DDOST: variants seen among roughly 807,000 people sequenced by gnomAD.
The protein encoded by DDOST is dolichyl-diphosphooligosaccharide--protein glycosyltransferase 48 kDa subunit.
In DDOST, 25 loss-of-function variants were observed where a neutral mutation model predicts 47.6. The observed-to-expected ratio is 0.53, with a 90% CI of 0.38 to 0.73. The LOEUF (loss-of-function observed/expected upper bound fraction) is 0.73. Ranked by LOEUF, DDOST falls within the 30% of genes least tolerant of loss-of-function variation. DDOST has a pLI of 0.00. For missense variants in DDOST, 526 were observed against 573.9 expected (o/e 0.92, Z 0.85); for synonymous variants, 275 against 236.0 (o/e 1.17, Z -1.51).
In DDOST at chr1:20,654,351, C is replaced by A. The variant is rs867590371; in HGVS notation, c.666G>T (p.Lys222Asn). The change falls in exon 7 of 11, where the codon AAG becomes AAT. Residue 222 changes from lysine to asparagine, a missense_variant. Physicochemically the swap from Lys to Asn is moderately conservative, Grantham distance 94. Transcript: ENST00000602624. ...PITQYPHAVG[K>N]NTLLIAGLQA... is the part of the protein sequence containing the mutation. ...GGAGCCCAGCAATGAGGAGGGTGTTCTTCCCCACCGCATGTGGATACTGGG... is the reference window on the plus strand; with the variant it reads ...GGAGCCCAGCAATGAGGAGGGTGTTATTCCCCACCGCATGTGGATACTGGG... 6.4e-7 allele frequency: 1 copy of A among 1,559,750 alleles called. No individual in the cohort carries two copies. The highest frequency in any genetic ancestry group is 8.7e-7 in the Non-Finnish European group (1 of 1,150,782).
chr1:20,652,223 C>A lies in DDOST; in HGVS notation c.*156G>T. ...AAACTTCTTTTATATAAAAATTATC[C>A]CAACTCCCACCCCTTGGCTCTCAGT... On this transcript the variant is annotated 3_prime_UTR_variant, in exon 11 of 11. Transcript: ENST00000602624. 3.0e-6 allele frequency: 2 copies of A among 677,830 alleles called. No individual in the cohort carries two copies. The allele number at this position is 677,830 out of a possible 1,614,324, so 42.0% of individuals were successfully genotyped here. A position where few individuals can be genotyped will look rare whatever the true frequency, so the allele number is the denominator to read the frequency against.
At chr1:20,653,115 C>T (rs977091840) in intron 8 of DDOST, 144 bp from the exon 9 acceptor site, 16 of 928,092 alleles carry the variant, frequency 1.7e-5, no homozygotes, top group Non-Finnish European at 2.6e-5. Flanking sequence ...CCCCTGCCAC[C>T]CGGCCCTGAT....
At chr1:20,655,411 T>C in intron 5 of DDOST, 29 bp downstream of exon 5, 3 of 1,554,676 alleles carry the variant, frequency 1.9e-6, no homozygotes, top group Non-Finnish European at 2.6e-6. Context: ...CCCAGGTTTC[T>C]GCTGTCCTCT....
chr1:20,654,538 C>A, intron 6 of DDOST, 76 bp downstream of exon 6: 1 of 1,426,482 alleles, frequency 7.0e-7, no homozygotes, highest in South Asian at 1.2e-5. Flanking sequence ...ACCAACTAGT[C>A]ATTTCCTTCG....
chr1:20,652,160 C>T lies in DDOST; in HGVS notation c.*219G>A, dbSNP rs1040295811. 35 of 471,964 alleles carry T rather than the reference C, an allele frequency of 7.4e-5. No individual in the cohort carries two copies. The highest frequency in any genetic ancestry group is 3.9e-4 in the Admixed American group (10 of 25,694). 29.2% of individuals were successfully genotyped at this position (471,964 alleles called of 1,614,324 possible). ...TTTAGAAATGAGAGGAGTGACTGCA[C>T]ATAGGAAAAATGCCACTTTTAGCAA... is the stretch of plus-strand genomic sequence containing the variant. On this transcript the variant is annotated 3_prime_UTR_variant, in exon 11 of 11. Coordinates refer to ENST00000602624, the MANE Select transcript of DDOST (RefSeq NM_005216.5).
intron 2 of DDOST, among the ~76,000 whole-genome samples, chr1:20,659,986 G>C (rs1197567018): frequency 2.0e-5 from 3 of 152,194 alleles, no homozygotes; most frequent in Admixed American, 2.0e-4. Flanking sequence ...AGGCAGTCCT[G>C]TCTTACCCAG....
rs2053420663 is a variant in DDOST, at chr1:20,660,252, AT to A, written c.265+628del. ...ATAAAGCAGGAGACAATATTTCTTA[AT>A]ATAAGAACTTCTTAACAGAATTGTT... On this transcript the variant is annotated intron_variant, in intron 2 of 10. Transcript: ENST00000602624. The A allele has an allele frequency of 1.3e-5, 2 of 152,288 alleles. 1 individual carries two copies. Among genetic ancestry groups the A allele is most frequent in the Non-Finnish European group, 2.9e-5 (2 of 68,096 alleles). 9.4% of individuals were successfully genotyped at this position (152,288 alleles called of 1,614,324 possible).
rs1222542545 is a variant in DDOST, at chr1:20,654,246, C to G, written c.771G>C (p.Gln257His). 6.4e-7 allele frequency: 1 copy of G among 1,551,274 alleles called. No individual in the cohort carries two copies. Among genetic ancestry groups the G allele is most frequent in the South Asian group, 1.2e-5 (1 of 84,050 alleles). The change falls in exon 7 of 11, where the codon CAG becomes CAC. Residue 257 changes from glutamine to histidine, a missense_variant. Gln to His is a conservative substitution (Grantham distance 24). Coordinates refer to ENST00000602624, the MANE Select transcript of DDOST (RefSeq NM_005216.5). ...FSDSFFNSAV[Q>H]KAAPGSQRYS... The stretch of plus-strand genomic sequence containing the variant: ...ACCTCTGGGAGCCGGGCGCCGCCTT[C>G]TGCACTGCTGAGTTGAAGAAGGAGT...
chr1:20,654,416 G>A, intron 6 of DDOST, 45 bp from the exon 7 acceptor site: 5 of 1,531,182 alleles, frequency 3.3e-6, no homozygotes, highest in Non-Finnish European at 4.4e-6. Context: ...CCAAGTAAGG[G>A]AAAAGCTGCC....
In DDOST at chr1:20,652,385, G is replaced by A. The variant is rs764406890; in HGVS notation, c.1314C>T (p.Ser438=). 25 of 1,611,140 alleles carry A rather than the reference G, an allele frequency of 1.6e-5. No individual in the cohort carries two copies. The East Asian group carries it at 2.2e-4, about 14-fold the overall frequency. Residue 438 remains serine, a synonymous_variant, in exon 11 of 11, where the codon TCC becomes TCT. Coordinates refer to ENST00000602624, the MANE Select transcript of DDOST (RefSeq NM_005216.5). ...VFLHMKEKEK[S]D is the part of the protein sequence containing the mutation. ...CGGAGAGGGCTCTAGCCCCTCAGTC[G>A]GACTTCTCCTTCTCCTTCATGTGCA...
At chr1:20,657,324 A>C in intron 2 of DDOST, among the ~76,000 whole-genome samples, 1 of 152,220 alleles carries the variant, frequency 6.6e-6, no homozygotes. Flanking sequence ...GATTCTGAGC[A>C]GGGGCCTGGC....
In DDOST at chr1:20,652,979, A is replaced by G. The variant is rs778674191; in HGVS notation, c.943-8T>C. The G allele has an allele frequency of 3.1e-6, 5 of 1,614,136 alleles. No homozygotes were observed. Among genetic ancestry groups the G allele is most frequent in the South Asian group, 1.1e-5 (1 of 91,084 alleles). ...GATCACGATGCTATACTCCTGAGAT[A>G]AAAGGCCAGGTTAGCCAGGGCTGGC... On this transcript the variant is annotated splice_region_variant and splice_polypyrimidine_tract_variant and intron_variant, in intron 8 of 10. Coordinates refer to ENST00000602624, the MANE Select transcript of DDOST (RefSeq NM_005216.5).
chr1:20,657,915 C>CT (rs2053392853), intron 2 of DDOST, among the ~76,000 whole-genome samples: 1 of 152,208 alleles, frequency 6.6e-6, no homozygotes, highest in Admixed American at 6.5e-5. Flanking sequence ...GATTTTGCCC[C>CT]TCAGAGCAAT....
chr1:20,654,147 T>C (rs1158698691), intron 7 of DDOST, 76 bp downstream of exon 7: 2 of 1,494,906 alleles, frequency 1.3e-6, no homozygotes, highest in African/African-American at 1.4e-5. Context: ...AGCCTCCTTC[T>C]TCCCCTTCTG....
In DDOST at chr1:20,655,485, A is replaced by G; in HGVS notation, c.506T>C (p.Ile169Thr). The change falls in exon 5 of 11, where the codon ATC becomes ACC. Residue 169 changes from isoleucine (I) to threonine (T), a missense_variant. Coordinates refer to ENST00000602624, the MANE Select transcript of DDOST (RefSeq NM_005216.5). ...GGGATTTAGAGATGATTTCCCAACG[A>G]TGGTTGGGGCCTTCAGCAGGTTCTC... Reference protein sequence around the residue: ...DTENLLKAPTIVGKSSLNPIL... With the variant: ...DTENLLKAPTTVGKSSLNPIL... 6.2e-7 allele frequency: 1 copy of G among 1,613,932 alleles called. No homozygotes were observed.
At position 20,652,416 on chromosome 1, in the gene DDOST, A is replaced by G; in HGVS notation, c.1283T>C (p.Val428Ala). The G allele has an allele frequency of 6.2e-7, 1 of 1,613,888 alleles. No homozygotes were observed. Among genetic ancestry groups the G allele is most frequent in the Non-Finnish European group, 8.5e-7 (1 of 1,179,930 alleles). Residue 428 changes from valine (V) to alanine (A), a missense_variant, in exon 11 of 11, where the codon GTC (valine) becomes GCC (alanine). Transcript: ENST00000602624. Reference protein sequence around the residue: ...MMLGLFIFSIVFLHMKEKEKS... With the variant: ...MMLGLFIFSIAFLHMKEKEKS... ...CTCCTTCTCCTTCATGTGCAAGAAG[A>G]CGATGCTGAAGATGAAGAGCCCCAG...
chr1:20,657,440 T>C (rs1011556026), intron 2 of DDOST, among the ~76,000 whole-genome samples: 1 of 151,958 alleles, frequency 6.6e-6, no homozygotes, highest in African/African-American at 2.4e-5. Context: ...ACTGTGAAAA[T>C]CTAGGCAGTG....
Position 20,654,661 on chromosome 1 carries a change from C to A in DDOST, c.598G>T (p.Gly200Cys), listed in dbSNP as rs1300612735. 1.7e-5 allele frequency: 26 copies of A among 1,564,752 alleles called. No individual in the cohort carries two copies. Among genetic ancestry groups the A allele is most frequent in the Non-Finnish European group, 2.3e-5 (26 of 1,153,552 alleles). The change falls in exon 6 of 11, where the codon GGC becomes TGC. Residue 200 changes from glycine (G) to cysteine (C), a missense_variant. Gly to Cys is a radical substitution (Grantham distance 159, BLOSUM62 -3). Coordinates refer to ENST00000602624, the MANE Select transcript of DDOST (RefSeq NM_005216.5). Reference sequence around the variant, plus strand: ...AAGAAGGAGTAAGAGGTGGAAGAGCCCGTCAGGATGTCCAGCACCAAAGGG... The same window carrying A: ...AAGAAGGAGTAAGAGGTGGAAGAGCACGTCAGGATGTCCAGCACCAAAGGG... ...DNPLVLDILT[G>C]SSTSYSFFPD...
Position 20,652,925 on chromosome 1 carries a change from G to T in DDOST, c.989C>A (p.Pro330His). Residue 330 changes from proline (P) to histidine (H), a missense_variant, in exon 9 of 11, where the codon CCC (proline) becomes CAC (histidine). Physicochemically the swap from Pro to His is moderately conservative, Grantham distance 77. Coordinates refer to ENST00000602624, the MANE Select transcript of DDOST (RefSeq NM_005216.5). ...CAGCTGAATGTCATCGCCATCAAAG[G>T]GGACCCATTTGCCATTTGAGAGCTG... is the stretch of plus-strand genomic sequence containing the variant. Reference protein sequence around the residue: ...IQQLSNGKWVPFDGDDIQLEF... With the variant: ...IQQLSNGKWVHFDGDDIQLEF... 6.2e-7 allele frequency: 1 copy of T among 1,614,124 alleles called. No individual in the cohort carries two copies. The highest frequency in any genetic ancestry group is 2.2e-5 in the East Asian group (1 of 44,880).
Sources: gnomAD v4.1 joint callset for allele counts (sites outside exome capture counted in the v4.1 genomes callset) on GRCh38, gnomAD v4.1.1 for gene constraint, MANE v1.5 for transcripts, NCBI Gene and HGNC (gene_info 2026-07-23, HGNC 2026-07-21) for gene names.